The following HDAC4 variants were observed in gnomAD, a reference collection of about 807,000 sequenced individuals.
The protein encoded by HDAC4 is histone deacetylase 4.
A neutral mutation model predicts 135.1 loss-of-function variants in HDAC4; 16 were observed. The observed-to-expected ratio is 0.12, with a 90% CI of 0.08 to 0.18. The LOEUF is 0.18. Among genes scored for constraint, HDAC4 ranks in the 10% least tolerant of loss-of-function variants. HDAC4 has a pLI of 1.00. For missense variants in HDAC4, 1,143 were observed against 1,511.8 expected (o/e 0.76, Z 4.05); for synonymous variants, 685 against 653.4 (o/e 1.05, Z -0.74).
intron 1 of HDAC4, among the ~76,000 whole-genome samples, chr2:239,397,215 G>A (rs749007175): frequency 2.0e-5 from 3 of 152,240 alleles, no homozygotes; most frequent in East Asian, 1.9e-4. Context: ...GCAGAGGCAC[G>A]GAGAGGAACT....
intron 5 of HDAC4, among the ~76,000 whole-genome samples, chr2:239,173,390 T>C (rs530087520): frequency 2.6e-5 from 4 of 152,280 alleles, no homozygotes; most frequent in Admixed American, 2.0e-4. Context: ...ATTAACCACA[T>C]AAAGCCAAAA....
chr2:239,239,670 C>T (rs558434967), intron 2 of HDAC4, among the ~76,000 whole-genome samples: 7 of 152,202 alleles, frequency 4.6e-5, no homozygotes, highest in East Asian at 1.9e-4. Flanking sequence ...TGCTTGTTCT[C>T]GTTGTGTGCC....
chr2:239,184,069 T>TA (rs58952360), intron 4 of HDAC4, among the ~76,000 whole-genome samples: 23,245 of 71,322 alleles, frequency 0.33, 5,745 homozygotes, highest in Non-Finnish European at 0.36. Flanking sequence ...CTTGCTAGTG[T>TA]AAAAAAAAAA....
At chr2:239,249,004 C>T (rs569701968) in intron 2 of HDAC4, among the ~76,000 whole-genome samples, 1 of 152,358 alleles carries the variant, frequency 6.6e-6, no homozygotes, top group East Asian at 1.9e-4. Flanking sequence ...AATTAGAAGA[C>T]CGTGTGGGAT....
rs1255563307 is a variant in HDAC4 at position 239,094,291 on chromosome 2, CTT to C, written c.2280+717_2280+718del. On this transcript the variant is annotated intron_variant, in intron 17 of 26. Transcript: ENST00000543185. Reference sequence around the variant, plus strand: ...GGAGGTCAGGGGCCAGGGGAGAACTCTTTTGTTATTGAGAAGTTTGATTGCAA... The same window carrying C: ...GGAGGTCAGGGGCCAGGGGAGAACTCTTGTTATTGAGAAGTTTGATTGCAA... The C allele has an allele frequency of 4.1e-6, 4 of 985,338 alleles. No homozygotes were observed. In the South Asian group the frequency reaches 1.4e-4, roughly 35 times the overall value. The allele number at this position is 985,338 out of a possible 1,614,324, so 61.0% of individuals were successfully genotyped here.
intron 2 of HDAC4, among the ~76,000 whole-genome samples, chr2:239,280,879 ACT>A (rs2050677309): frequency 8.3e-6 from 1 of 120,748 alleles, no homozygotes; most frequent in Non-Finnish European, 1.7e-5. Context: ...TGTACACACC[ACT>A]CTCCACACAA....
At chr2:239,341,707 T>C (rs557069659) in intron 2 of HDAC4, among the ~76,000 whole-genome samples, 28 of 152,336 alleles carry the variant, frequency 1.8e-4, no homozygotes, top group Admixed American at 1.8e-3. Flanking sequence ...TCATAGGTAT[T>C]TAAAAAGGAA....
intron 2 of HDAC4, among the ~76,000 whole-genome samples, chr2:239,281,224 C>T (rs1280058636): frequency 4.9e-5 from 7 of 142,918 alleles, no homozygotes; most frequent in Admixed American, 4.8e-4. Flanking sequence ...CCACTCTACA[C>T]ACAATGTACA....
At chr2:239,156,863 C>A in intron 6 of HDAC4, 90 bp from the exon 7 acceptor site, 1 of 1,498,744 alleles carries the variant, frequency 6.7e-7, no homozygotes, top group African/African-American at 1.4e-5. Context: ...GATGATCTTT[C>A]CCTTGAAACC....
chr2:239,059,848 C>T (rs1041543905), intron 24 of HDAC4, among the ~76,000 whole-genome samples: 1 of 152,002 alleles, frequency 6.6e-6, no homozygotes, highest in Non-Finnish European at 1.5e-5. Flanking sequence ...CAGGACAGTC[C>T]TCTGGGGGGC....
rs527311690 is a variant in HDAC4 at position 239,281,865 on chromosome 2, A to T, written c.23-45201T>A. Among the ~76,000 whole-genome samples the T allele has an allele frequency of 3.0e-4, 45 of 147,828 alleles. 1 individual carries two copies. The highest frequency in any genetic ancestry group is 4.2e-4 in the Non-Finnish European group (28 of 67,028). On this transcript the variant is annotated intron_variant, in intron 2 of 26. Coordinates refer to ENST00000543185, the MANE Select transcript of HDAC4 (RefSeq NM_001378414.1). Reference sequence around the variant, plus strand: ...CAATGAACACACCACTCTACACACAATGTACACACCACTCTCAATGTACAT... The same window carrying T: ...CAATGAACACACCACTCTACACACATTGTACACACCACTCTCAATGTACAT...
In HDAC4 at chr2:239,134,835, C is replaced by G. The variant is rs540316367; in HGVS notation, c.979-192G>C. ...GCCACAACATGAAAGCACAATTCAC[C>G]ACTCCAGTTTCCTCCTCCCGATACG... On this transcript the variant is annotated intron_variant, in intron 9 of 26. Coordinates refer to ENST00000543185, the MANE Select transcript of HDAC4 (RefSeq NM_001378414.1). Among the ~76,000 whole-genome samples the G allele has an allele frequency of 2.4e-3, 372 of 152,328 alleles. 2 individuals are homozygous for G. Among genetic ancestry groups the G allele is most frequent in the African/African-American group, 8.7e-3 (362 of 41,576 alleles).
chr2:239,323,435 A>G (rs1220508511), intron 2 of HDAC4, among the ~76,000 whole-genome samples: 2 of 152,214 alleles, frequency 1.3e-5, no homozygotes, highest in African/African-American at 2.4e-5. Context: ...AGAAAAGACT[A>G]CATCTTAACT....
chr2:239,135,103 G>A (rs534354350), intron 9 of HDAC4, among the ~76,000 whole-genome samples: 3 of 152,194 alleles, frequency 2.0e-5, no homozygotes, highest in African/African-American at 7.2e-5. Context: ...ATAACTATAA[G>A]GGTATGATTG....
intron 1 of HDAC4, among the ~76,000 whole-genome samples, chr2:239,366,066 G>A (rs1404646812): frequency 6.8e-5 from 10 of 146,072 alleles, no homozygotes; most frequent in African/African-American, 2.1e-4. Flanking sequence ...TGGCACTGGC[G>A]GACACACACA....
rs904984852 is a variant in HDAC4, at chr2:239,052,609, A to T, written c.*488T>A. The T allele has an allele frequency of 6.1e-6, 1 of 163,704 alleles. No homozygotes were observed. 10.1% of individuals were successfully genotyped at this position (163,704 alleles called of 1,614,324 possible). A position where few individuals can be genotyped will look rare whatever the true frequency, so the allele number is the denominator to read the frequency against. ...CACAGCCGTAGAAAACGTCCTCTTT[A>T]AAAAAAAATAAGCTACAAGATGAGT... On this transcript the variant is annotated 3_prime_UTR_variant, in exon 27 of 27. Transcript: ENST00000543185.
At position 239,052,947 on chromosome 2, in the gene HDAC4, G is replaced by T; in HGVS notation, c.*150C>A. The T allele has an allele frequency of 2.2e-6, 2 of 900,918 alleles. No individual in the cohort carries two copies. The highest frequency in any genetic ancestry group is 3.7e-6 in the Non-Finnish European group (2 of 543,474). The allele number at this position is 900,918 out of a possible 1,614,324, so 55.8% of individuals were successfully genotyped here. A position where few individuals can be genotyped will look rare whatever the true frequency, so the allele number is the denominator to read the frequency against. On this transcript the variant is annotated 3_prime_UTR_variant, in exon 27 of 27. Transcript: ENST00000543185. ...TCGAGACCTGTGGGCCTGGGCGGCAGAAAGGCTTCCCGTGGCTGTTGCACG... is the reference window on the plus strand; with the variant it reads ...TCGAGACCTGTGGGCCTGGGCGGCATAAAGGCTTCCCGTGGCTGTTGCACG...
intron 1 of HDAC4, among the ~76,000 whole-genome samples, chr2:239,377,638 G>A (rs932350554): frequency 6.6e-6 from 1 of 152,212 alleles, no homozygotes; most frequent in Non-Finnish European, 1.5e-5. Flanking sequence ...CGGGCAGGAG[G>A]CCCCAGGGCC....
chr2:239,072,905 C>T (rs541329427), intron 22 of HDAC4, among the ~76,000 whole-genome samples: 1 of 152,306 alleles, frequency 6.6e-6, no homozygotes, highest in East Asian at 1.9e-4. Context: ...GAAGATCCCG[C>T]GGGCTACTCT....
Sources: gnomAD v4.1 joint callset for allele counts (sites outside exome capture counted in the v4.1 genomes callset) on GRCh38, gnomAD v4.1.1 for gene constraint, MANE v1.5 for transcripts, NCBI Gene and HGNC (gene_info 2026-07-23, HGNC 2026-07-21) for gene names.